Variants in ROBO2 observed in about 807,000 individuals in gnomAD.
The protein encoded by ROBO2 is roundabout guidance receptor 2.
Under a neutral mutation model 160.8 loss-of-function variants are expected in ROBO2, and 53 were observed. The ratio of observed to expected loss-of-function variants is 0.33; its 90% CI spans 0.26 to 0.41. The LOEUF (loss-of-function observed/expected upper bound fraction) is 0.41. Among genes scored for constraint, ROBO2 ranks in the 10% least tolerant of loss-of-function variants. The pLI, the probability that ROBO2 is intolerant of heterozygous loss-of-function variation, is 1.00. For synonymous variants in ROBO2, 664 were observed against 611.7 expected, an observed-to-expected ratio of 1.09 and a Z score of -1.26; for missense variants, 1,577 against 1,722.4, an observed-to-expected ratio of 0.92 and a Z score of 1.49.
chr3:76,780,421 T>A (rs2062564344), intron 2 of ROBO2, among the ~76,000 whole-genome samples: 1 of 150,944 alleles, frequency 6.6e-6, no homozygotes, highest in African/African-American at 2.4e-5. Flanking sequence ...GTGTAGAAGC[T>A]TTTTAGTTTG....
At chr3:76,562,167 G>C (rs1352459015) in intron 2 of ROBO2, among the ~76,000 whole-genome samples, 1 of 151,304 alleles carries the variant, frequency 6.6e-6, no homozygotes, top group Non-Finnish European at 1.5e-5. Context: ...ACCACTTCTT[G>C]GCTTCTGCTT....
intron 2 of ROBO2, among the ~76,000 whole-genome samples, chr3:76,265,710 A>C (rs1159758095): frequency 6.6e-6 from 1 of 152,178 alleles, no homozygotes; most frequent in Non-Finnish European, 1.5e-5. Context: ...GAAGACTCTG[A>C]GCTCACAGTT....
chr3:76,813,879 G>A (rs935259897), intron 2 of ROBO2, among the ~76,000 whole-genome samples: 5 of 152,164 alleles, frequency 3.3e-5, no homozygotes, highest in African/African-American at 1.2e-4. Context: ...ATGTTTAAAA[G>A]ATAAGTGAGA....
Position 76,103,625 on chromosome 3 carries a change from C to T in ROBO2, c.109+166023C>T, listed in dbSNP as rs138236845. 7.5e-3 allele frequency among the ~76,000 whole-genome samples: 1,143 copies of T among 152,276 alleles called. 20 individuals are homozygous for T. Among genetic ancestry groups the T allele is most frequent in the African/African-American group, 0.026 (1,089 of 41,548 alleles). ...CACGTACATACTGGACCACAGACAC[C>T]TGTGGATACTGGGAGCTGGGAAGCT... On this transcript the variant is annotated intron_variant, in intron 2 of 26. Coordinates refer to the ROBO2 transcript ENST00000487694.
At chr3:75,943,906 G>A (rs962476894) in intron 2 of ROBO2, among the ~76,000 whole-genome samples, 1 of 151,926 alleles carries the variant, frequency 6.6e-6, no homozygotes, top group Non-Finnish European at 1.5e-5. Context: ...TTACCATGTT[G>A]GCTAGGCTAG....
rs150061893 is a variant in ROBO2 at position 77,171,536 on chromosome 3, A to G, written c.388+73196A>G. On this transcript the variant is annotated intron_variant, in intron 2 of 25. Transcript: ENST00000461745. Reference sequence around the variant, plus strand: ...GAAAGTAGATATTTGTATTCTTTACAGAAATAGTTATATTTGTGGTATGTT... The same window carrying G: ...GAAAGTAGATATTTGTATTCTTTACGGAAATAGTTATATTTGTGGTATGTT... 2.5e-3 allele frequency among the ~76,000 whole-genome samples: 382 copies of G among 152,380 alleles called. 4 individuals carry two copies. In the South Asian group the frequency reaches 0.037, roughly 15 times the overall value.
intron 2 of ROBO2, among the ~76,000 whole-genome samples, chr3:75,967,157 C>T (rs2107326311): frequency 6.6e-6 from 1 of 151,728 alleles, no homozygotes; most frequent in Non-Finnish European, 1.5e-5. Flanking sequence ...AAACTTGGAA[C>T]TATTAAGCTA....
chr3:76,483,789 C>G (rs562837676), intron 2 of ROBO2, among the ~76,000 whole-genome samples: 34 of 152,210 alleles, frequency 2.2e-4, no homozygotes, highest in Non-Finnish European at 4.1e-4. Flanking sequence ...TCCTTTAGCT[C>G]CCAGTTATAA....
At chr3:76,403,021 G>T (rs1046092356) in intron 2 of ROBO2, among the ~76,000 whole-genome samples, 2 of 151,572 alleles carry the variant, frequency 1.3e-5, no homozygotes, top group Non-Finnish European at 3.0e-5. Flanking sequence ...CAGAAAGACT[G>T]GGGCCAATAA....
At position 75,970,433 on chromosome 3, in the gene ROBO2, G is replaced by A. The variant is rs188989592; in HGVS notation, c.109+32831G>A. Among the ~76,000 whole-genome samples, 339 of 151,610 alleles carry A rather than the reference G, an allele frequency of 2.2e-3. 1 individual carries two copies. The highest frequency in any genetic ancestry group is 4.2e-3 in the Non-Finnish European group (281 of 67,638). ...TACCCAGCATTTTCATGATGAGGCT[G>A]TGCTTTCTTACATTTTCAGTGATGA... is the stretch of plus-strand genomic sequence containing the variant. On this transcript the variant is annotated intron_variant, in intron 2 of 26. Transcript: ENST00000487694.
At chr3:76,107,557 A>G (rs9823672) in intron 2 of ROBO2, among the ~76,000 whole-genome samples, 19,415 of 152,044 alleles carry the variant, frequency 0.13, 1,347 homozygotes, top group African/African-American at 0.14. Context: ...ACATTTGCAT[A>G]GCATTTTTCC....
At chr3:75,925,238 C>A (rs1308747604) in intron 1 of ROBO2, among the ~76,000 whole-genome samples, 2 of 151,764 alleles carry the variant, frequency 1.3e-5, no homozygotes, top group Non-Finnish European at 2.9e-5. Context: ...ACAAAAAATA[C>A]AAAAACTAGG....
At chr3:76,737,761 T>C (rs996127388) in intron 2 of ROBO2, among the ~76,000 whole-genome samples, 2 of 152,184 alleles carry the variant, frequency 1.3e-5, no homozygotes, top group African/African-American at 4.8e-5. Flanking sequence ...AGGTAAACCC[T>C]CCTGTAAAAG....
chr3:77,256,968 T>TGGTGGACACCTGG (rs1209401277), intron 2 of ROBO2, among the ~76,000 whole-genome samples: 6 of 152,180 alleles, frequency 3.9e-5, no homozygotes, highest in African/African-American at 1.4e-4. Context: ...CTGTCCTATG[T>TGGTGGACACCTGG]GGTGGACACC....
At chr3:76,425,410 C>G (rs929014188) in intron 2 of ROBO2, among the ~76,000 whole-genome samples, 30 of 151,926 alleles carry the variant, frequency 2.0e-4, no homozygotes, top group African/African-American at 7.0e-4. Context: ...ATACTTTCCT[C>G]TCATAACATT....
At chr3:77,368,302 G>A (rs1434341154) in intron 2 of ROBO2, among the ~76,000 whole-genome samples, 1 of 151,962 alleles carries the variant, frequency 6.6e-6, no homozygotes, top group Admixed American at 6.6e-5. Flanking sequence ...GCATCCAAGA[G>A]CACATAAGAA....
chr3:76,116,692 A>G (rs1334737045), intron 2 of ROBO2, among the ~76,000 whole-genome samples: 1 of 152,130 alleles, frequency 6.6e-6, no homozygotes, highest in Non-Finnish European at 1.5e-5. Context: ...TTTATCTTAA[A>G]TTTATTTGAT....
chr3:77,372,304 T>A (rs554009255), intron 2 of ROBO2, among the ~76,000 whole-genome samples: 1 of 152,226 alleles, frequency 6.6e-6, no homozygotes, highest in Non-Finnish European at 1.5e-5. Flanking sequence ...GGAAAAGAGA[T>A]GCATAAATCA....
chr3:76,104,033 T>C (rs1180613563), intron 2 of ROBO2, among the ~76,000 whole-genome samples: 3 of 152,204 alleles, frequency 2.0e-5, no homozygotes, highest in African/African-American at 7.2e-5. Flanking sequence ...CTACTGGCCT[T>C]AGACATGAGA....
Sources: gnomAD v4.1 joint callset for allele counts (sites outside exome capture counted in the v4.1 genomes callset) on GRCh38, gnomAD v4.1.1 for gene constraint, MANE v1.5 for transcripts, NCBI Gene and HGNC (gene_info 2026-07-23, HGNC 2026-07-21) for gene names.